WDFY4: variants seen among roughly 807,000 people sequenced by gnomAD.
WDFY4 encodes the protein WD repeat- and FYVE domain-containing protein 4.
A neutral mutation model predicts 351.9 loss-of-function variants in WDFY4; 169 were observed. The observed-to-expected ratio is 0.48, with a 90% CI of 0.42 to 0.55. The LOEUF is 0.55. Among genes scored for constraint, WDFY4 ranks in the 20% least tolerant of loss-of-function variants. WDFY4 has a pLI of 0.00. For synonymous variants in WDFY4, 1,622 were observed against 1,574.6 expected (o/e 1.03, Z -0.71); for missense variants, 3,803 against 3,935.6 (o/e 0.97, Z 0.90).
At chr10:48,830,298 G>A (rs756880687) in intron 37 of WDFY4, among the ~76,000 whole-genome samples, 15 of 152,196 alleles carry the variant, frequency 9.9e-5, no homozygotes, top group Admixed American at 5.9e-4. Flanking sequence ...CAACATGTAA[G>A]GGAAGGTTGG....
At chr10:48,859,197 C>A (rs535194825) in intron 39 of WDFY4, among the ~76,000 whole-genome samples, 1 of 152,094 alleles carries the variant, frequency 6.6e-6, no homozygotes, top group Non-Finnish European at 1.5e-5. Context: ...TCTTTTCAAT[C>A]TGTATGGCTT....
chr10:48,938,638 C>T (rs1840555699), intron 47 of WDFY4, among the ~76,000 whole-genome samples: 1 of 152,192 alleles, frequency 6.6e-6, no homozygotes, highest in Admixed American at 6.5e-5. Context: ...AACTCAAGGG[C>T]ACTGATGCTG....
At chr10:48,779,865 C>A in intron 18 of WDFY4, 76 bp from the exon 19 acceptor site, 1 of 1,514,568 alleles carries the variant, frequency 6.6e-7, no homozygotes, top group Non-Finnish European at 8.9e-7. Context: ...TGACGTCCGC[C>A]TATGCCCTCC....
At chr10:48,943,014 A>G (rs1342530876) in intron 48 of WDFY4, among the ~76,000 whole-genome samples, 5 of 152,216 alleles carry the variant, frequency 3.3e-5, no homozygotes, top group Non-Finnish European at 1.5e-5. Context: ...CATTTGTGCT[A>G]TGATTTTAGT....
Position 48,976,986 on chromosome 10 carries a change from G to A in WDFY4, c.9291+7G>A. Reference sequence around the variant, plus strand: ...TCAAGACGGCATGGTCCGGGTAGGTGTGTCTTGGGCAGAATGAGGACATGA... The same window carrying A: ...TCAAGACGGCATGGTCCGGGTAGGTATGTCTTGGGCAGAATGAGGACATGA... On this transcript the variant is annotated splice_region_variant and intron_variant, in intron 59 of 61. Coordinates refer to ENST00000325239, the MANE Select transcript of WDFY4 (RefSeq NM_001394531.1). 1 of 1,428,060 alleles carries A rather than the reference G, an allele frequency of 7.0e-7. No homozygotes were observed. The highest frequency in any genetic ancestry group is 9.3e-7 in the Non-Finnish European group (1 of 1,078,994). The allele number at this position is 1,428,060 out of a possible 1,614,324, so 88.5% of individuals were successfully genotyped here.
In WDFY4 at chr10:48,957,253, T is replaced by A; in HGVS notation, c.8102T>A (p.Phe2701Tyr). The part of the protein sequence containing the change: ...LTPEFFYLPE[F>Y]LTNCNGVEFG... ...CCAGAGTTCTTCTACCTGCCTGAGT[T>A]CTTAACCAACTGCAACGGGGTAGAG... Residue 2701 changes from phenylalanine (F) to tyrosine (Y), a missense_variant, in exon 52 of 62, where the codon TTC (phenylalanine) becomes TAC (tyrosine). This residue lies in a region of WDFY4 where 3,054 missense variants were observed against 3,148.6 expected (regional missense o/e 0.97). Coordinates refer to ENST00000325239, the MANE Select transcript of WDFY4 (RefSeq NM_001394531.1). 1 of 1,551,664 alleles carries A rather than the reference T, an allele frequency of 6.4e-7. No homozygotes were observed. Among genetic ancestry groups the A allele is most frequent in the South Asian group, 1.2e-5 (1 of 84,058 alleles).
chr10:48,841,863 A>G (rs1416156526), intron 39 of WDFY4, among the ~76,000 whole-genome samples: 1 of 152,238 alleles, frequency 6.6e-6, no homozygotes, highest in Non-Finnish European at 1.5e-5. Flanking sequence ...AGAAGCCAGC[A>G]TGTTCAAGTC....
intron 35 of WDFY4, chr10:48,823,294 G>A: frequency 7.8e-7 from 1 of 1,288,730 alleles, no homozygotes; most frequent in Non-Finnish European, 1.0e-6. Flanking sequence ...CCCACCCAGG[G>A]GGATGTCTGT....
At chr10:48,942,624 G>A (rs1840837804) in intron 48 of WDFY4, among the ~76,000 whole-genome samples, 1 of 152,210 alleles carries the variant, frequency 6.6e-6, no homozygotes, top group Non-Finnish European at 1.5e-5. Context: ...GAGATTCGGG[G>A]ACAATGAGAA....
In WDFY4 at chr10:48,778,437, C is replaced by T. The variant is rs1332642487; in HGVS notation, c.3176-174C>T. Among the ~76,000 whole-genome samples, 7 of 152,372 alleles carry T rather than the reference C, an allele frequency of 4.6e-5. No individual in the cohort carries two copies. The South Asian group carries it at 1.4e-3, about 32-fold the overall frequency. On this transcript the variant is annotated intron_variant, in intron 17 of 61. Transcript: ENST00000325239. ...TGACGGACCTCAGGGAGATCGAGATCTTCTCTGCTCCCTTGGCAAGGCAGC... is the reference window on the plus strand; with the variant it reads ...TGACGGACCTCAGGGAGATCGAGATTTTCTCTGCTCCCTTGGCAAGGCAGC...
chr10:48,803,411 G>C, intron 25 of WDFY4, 52 bp downstream of exon 25: 2 of 1,534,122 alleles, frequency 1.3e-6, no homozygotes, highest in Non-Finnish European at 1.8e-6. Flanking sequence ...TGAATGTCCA[G>C]AACAGAGACA....
At chr10:48,801,015 G>T (rs180960991) in intron 24 of WDFY4, among the ~76,000 whole-genome samples, 2 of 152,146 alleles carry the variant, frequency 1.3e-5, no homozygotes, top group Non-Finnish European at 1.5e-5. Context: ...TTATAGGCAT[G>T]AGCCACCATA....
In WDFY4 at chr10:48,807,910, A is replaced by G. The variant is rs376556300; in HGVS notation, c.4790A>G (p.Glu1597Gly). The stretch of plus-strand genomic sequence containing the variant: ...ATCTGGCTCAGAAACCAGTTGCTGG[A>G]GATGCTGCTCAGTGTAATATCTTCC... Reference protein sequence around the residue: ...KTIWLRNQLLEMLLSVISSPQ... With the variant: ...KTIWLRNQLLGMLLSVISSPQ... Residue 1597 changes from glutamate (E) to glycine (G), a missense_variant, in exon 28 of 62, where the codon GAG (glutamate) becomes GGG (glycine). Transcript: ENST00000325239. The G allele has an allele frequency of 5.7e-5, 89 of 1,551,586 alleles. No individual in the cohort carries two copies. The African/African-American group carries it at 1.1e-3, about 20-fold the overall frequency.
intron 12 of WDFY4, among the ~76,000 whole-genome samples, chr10:48,758,492 A>G (rs1304248371): frequency 6.6e-6 from 1 of 152,190 alleles, no homozygotes; most frequent in African/African-American, 2.4e-5. Context: ...AAAACTTCTC[A>G]AACGTTTTTT....
Position 48,923,496 on chromosome 10 carries a change from G to GTATATA in WDFY4, c.7587-18298_7587-18293dup, listed in dbSNP as rs374289050. ...TCAGGTAAACAACAAATAGTTTTTA[G>GTATATA]TATATATATATATATATGTCCCAAA... On this transcript the variant is annotated intron_variant, in intron 47 of 61. Transcript: ENST00000325239. Among the ~76,000 whole-genome samples the GTATATA allele has an allele frequency of 6.5e-4, 41 of 63,200 alleles. 4 individuals carry two copies. The highest frequency in any genetic ancestry group is 1.3e-3 in the African/African-American group (37 of 28,856). The allele number at this position is 63,200 out of a possible 152,430, so 41.5% of individuals were successfully genotyped here.
chr10:48,846,647 A>G (rs925639754), intron 39 of WDFY4, among the ~76,000 whole-genome samples: 8 of 152,222 alleles, frequency 5.3e-5, no homozygotes, highest in African/African-American at 1.9e-4. Context: ...AAATGTTGGT[A>G]TTGACCAGTT....
intron 47 of WDFY4, among the ~76,000 whole-genome samples, chr10:48,929,305 G>T (rs61848100): frequency 0.096 from 14,676 of 152,238 alleles, 861 homozygotes; most frequent in South Asian, 0.2. Flanking sequence ...AGATAATAAA[G>T]AGGAGAAACC....
intron 11 of WDFY4, among the ~76,000 whole-genome samples, chr10:48,736,462 G>C (rs1292401754): frequency 6.6e-6 from 1 of 152,238 alleles, no homozygotes; most frequent in African/African-American, 2.4e-5. Flanking sequence ...GACTCACCTG[G>C]ATGCAAGGGA....
intron 55 of WDFY4, chr10:48,968,782 C>CT (rs1842201302): frequency 6.8e-6 from 3 of 443,476 alleles, no homozygotes; most frequent in Non-Finnish European, 4.2e-6. Context: ...CCAGCTGGGG[C>CT]TGGGGGTGGC....
Sources: gnomAD v4.1 joint callset for allele counts (sites outside exome capture counted in the v4.1 genomes callset) on GRCh38, gnomAD v4.1.1 for gene constraint, gnomAD v4.1.1 regional missense constraint, MANE v1.5 for transcripts, NCBI Gene and HGNC (gene_info 2026-07-23, HGNC 2026-07-21) for gene names.